Variants in ANKFY1 observed in about 807,000 individuals in gnomAD.
ANKFY1 encodes ankyrin repeat and FYVE domain-containing protein 1.
ANKFY1 carries 47 observed loss-of-function variants against 128.3 expected under a neutral mutation model. That is an observed-to-expected ratio of 0.37 (90% CI 0.29 to 0.47). ANKFY1 has a LOEUF of 0.47. Among genes scored for constraint, ANKFY1 ranks in the 20% least tolerant of loss-of-function variants. ANKFY1 has a pLI of 1.00. For missense variants in ANKFY1, 1,222 were observed against 1,510.6 expected, an observed-to-expected ratio of 0.81 and a Z score of 3.17; for synonymous variants, 553 against 601.6, an observed-to-expected ratio of 0.92 and a Z score of 1.18.
chr17:4,175,191 G>C (rs2059390891), intron 19 of ANKFY1, among the ~76,000 whole-genome samples: 1 of 151,592 alleles, frequency 6.6e-6, no homozygotes, highest in Admixed American at 6.6e-5. Flanking sequence ...AAATTAGCTG[G>C]GTGTAATGGT....
At chr17:4,183,688 A>T (rs1567918887) in intron 13 of ANKFY1, 124 bp downstream of exon 13, 7 of 1,408,050 alleles carry the variant, frequency 5.0e-6, no homozygotes, top group Non-Finnish European at 6.8e-6. Flanking sequence ...TCAAACAGAA[A>T]TGTTATTTTA....
chr17:4,224,312 C>G (rs2060384443), intron 3 of ANKFY1, among the ~76,000 whole-genome samples: 1 of 150,106 alleles, frequency 6.7e-6, no homozygotes, highest in African/African-American at 2.4e-5. Context: ...AGGCTCTGCC[C>G]CCGGGGTTCA....
intron 3 of ANKFY1, among the ~76,000 whole-genome samples, chr17:4,224,889 C>T (rs1386158588): frequency 2.7e-5 from 4 of 149,952 alleles, no homozygotes; most frequent in East Asian, 1.9e-4. Flanking sequence ...TTAAGATTCC[C>T]GTTTATTGCA....
Position 4,169,929 on chromosome 17 carries a change from G to GAGCTCATGGGGACGGAGC in ANKFY1, c.3287-659_3287-642dup, listed in dbSNP as rs1371277828. On this transcript the variant is annotated intron_variant, in intron 23 of 24. Transcript: ENST00000341657. The surrounding 1 kb of genome is among the most constrained non-coding windows in gnomAD (Gnocchi z 5.0). Reference sequence around the variant, plus strand: ...ACTGCTCTACATAGACAGGTCCACTGAGCTCATGGGGACGGAGCAGCACGT... The same window carrying GAGCTCATGGGGACGGAGC: ...ACTGCTCTACATAGACAGGTCCACTGAGCTCATGGGGACGGAGCAGCTCATGGGGACGGAGCAGCACGT... Among the ~76,000 whole-genome samples the GAGCTCATGGGGACGGAGC allele has an allele frequency of 6.6e-6, 1 of 152,200 alleles. No individual in the cohort carries two copies.
chr17:4,195,179 T>G lies in ANKFY1; in HGVS notation c.1173-2A>C. ...TGGTCTTTGAGTTCTAAATCTAGTC[T>G]GAAAAGCAGAAGCAGTGTCAACAGC... On this transcript the variant is annotated splice_acceptor_variant, in intron 9 of 24. Transcript: ENST00000341657. LOFTEE classifies it high-confidence loss of function. 1 of 1,602,272 alleles carries G rather than the reference T, an allele frequency of 6.2e-7. No individual in the cohort carries two copies. The highest frequency in any genetic ancestry group is 8.5e-7 in the Non-Finnish European group (1 of 1,171,822).
chr17:4,229,206 C>CT (rs1425234524), intron 3 of ANKFY1, among the ~76,000 whole-genome samples: 1 of 152,070 alleles, frequency 6.6e-6, no homozygotes, highest in African/African-American at 2.4e-5. Context: ...GGTGGATCAC[C>CT]TGAGGTCAGG....
chr17:4,237,749 C>T (rs1276095549), intron 2 of ANKFY1, among the ~76,000 whole-genome samples: 2 of 151,910 alleles, frequency 1.3e-5, no homozygotes, highest in Non-Finnish European at 2.9e-5. Context: ...AAATGAAAAC[C>T]AGAAAATCAA....
chr17:4,203,993 G>A (rs1027121018), intron 7 of ANKFY1, among the ~76,000 whole-genome samples: 8 of 152,044 alleles, frequency 5.3e-5, no homozygotes, highest in African/African-American at 1.9e-4. Flanking sequence ...GGCCAAACAT[G>A]TGCCCCCTGT....
intron 1 of ANKFY1, among the ~76,000 whole-genome samples, chr17:4,254,228 T>C (rs1458850215): frequency 2.2e-5 from 3 of 138,172 alleles, no homozygotes; most frequent in African/African-American, 8.4e-5. Flanking sequence ...CGCCTGAACC[T>C]GGGAGGCGGA....
chr17:4,194,982 C>A lies in ANKFY1; in HGVS notation c.1368G>T (p.Ala456=), dbSNP rs1038601808. ...RGSHTDAPDT[A]TGNCLLQRAA... ...TTCGGGAGGCACGTGCTTTACCTGT[C>A]GCCGTGTCAGGTGCGTCTGTGTGGC... Residue 456 remains alanine, a synonymous_variant, in exon 10 of 25, where the codon GCG becomes GCT. Coordinates refer to ENST00000341657, the MANE Select transcript of ANKFY1 (RefSeq NM_001330063.2). The A allele has an allele frequency of 3.1e-6, 5 of 1,614,188 alleles. No individual in the cohort carries two copies. Among genetic ancestry groups the A allele is most frequent in the South Asian group, 1.1e-5 (1 of 91,064 alleles).
intron 1 of ANKFY1, among the ~76,000 whole-genome samples, chr17:4,262,446 G>C (rs9901620): frequency 0.22 from 34,114 of 152,076 alleles, 4,314 homozygotes; most frequent in Non-Finnish European, 0.28. Flanking sequence ...ATTTTTTGTA[G>C]ATACGAGGTT....
chr17:4,222,223 G>A (rs186005798), intron 3 of ANKFY1: 152 of 281,354 alleles, frequency 5.4e-4, no homozygotes, highest in African/African-American at 3.4e-3. Context: ...CGCCCCCGCC[G>A]CCCCGCGGAC....
At chr17:4,192,210 T>C (rs1377896273) in intron 10 of ANKFY1, among the ~76,000 whole-genome samples, 472 of 144,244 alleles carry the variant, frequency 3.3e-3, no homozygotes, top group Non-Finnish European at 5.2e-3. Context: ...TAGTTGATGG[T>C]TGCTCTAATC....
At chr17:4,210,900 C>T (rs1213662823) in intron 4 of ANKFY1, among the ~76,000 whole-genome samples, 1 of 151,134 alleles carries the variant, frequency 6.6e-6, no homozygotes, top group African/African-American at 2.4e-5. Context: ...GGCATGGTGG[C>T]AGGCGCCTGT....
chr17:4,165,550 C>T lies in ANKFY1; in HGVS notation c.*2229G>A, dbSNP rs1006311440. The T allele has an allele frequency of 7.2e-5, 11 of 152,250 alleles. No homozygotes were observed. The highest frequency in any genetic ancestry group is 1.4e-4 in the African/African-American group (6 of 41,528). The allele number at this position is 152,250 out of a possible 1,614,324, so 9.4% of individuals were successfully genotyped here. ...GCAGCCCAGCGAGCGTCCGCGTGGTCGGGGGGCTTCCTAAGTCTGTGGAAA... is the reference window on the plus strand; with the variant it reads ...GCAGCCCAGCGAGCGTCCGCGTGGTTGGGGGGCTTCCTAAGTCTGTGGAAA... On this transcript the variant is annotated 3_prime_UTR_variant, in exon 25 of 25. Coordinates refer to ENST00000341657, the MANE Select transcript of ANKFY1 (RefSeq NM_001330063.2).
At chr17:4,230,774 TAA>T (rs1598116127) in intron 3 of ANKFY1, among the ~76,000 whole-genome samples, 1 of 152,196 alleles carries the variant, frequency 6.6e-6, no homozygotes, top group African/African-American at 2.4e-5. Flanking sequence ...TAGTAAGAAA[TAA>T]AAAAGCAAAT....
chr17:4,223,860 G>A (rs979477357), intron 3 of ANKFY1: 26 of 988,736 alleles, frequency 2.6e-5, no homozygotes, highest in Non-Finnish European at 3.8e-5. Flanking sequence ...AGCATCAGGA[G>A]AAAGGTGCCT....
At position 4,242,398 on chromosome 17, in the gene ANKFY1, C is replaced by A. The variant is rs2143387979; in HGVS notation, c.61G>T (p.Val21Phe). 2 of 1,591,830 alleles carry A rather than the reference C, an allele frequency of 1.3e-6. No individual in the cohort carries two copies. The highest frequency in any genetic ancestry group is 2.4e-5 in the East Asian group (1 of 42,502). The change falls in exon 2 of 25, where the codon GTC becomes TTC. Residue 21 changes from valine (V) to phenylalanine (F), a missense_variant. By Grantham distance (50) the Val-to-Phe change is conservative (BLOSUM62 -1). Transcript: ENST00000341657. Reference protein sequence around the residue: ...KHLMLLRQEYVKLQKKLAETE... With the variant: ...KHLMLLRQEYFKLQKKLAETE... ...TCCGCCAGCTTCTTCTGCAGCTTGA[C>A]ATACTCCTGCCGCAGAAGCATCAAG...
At chr17:4,228,486 G>A (rs747605769) in intron 3 of ANKFY1, among the ~76,000 whole-genome samples, 22 of 151,506 alleles carry the variant, frequency 1.5e-4, no homozygotes, top group African/African-American at 5.1e-4. Flanking sequence ...ACGCGATCTC[G>A]GCTCACTGCA....
Sources: allele counts gnomAD v4.1 joint callset (sites outside exome capture counted in the v4.1 genomes callset), GRCh38; gene constraint gnomAD v4.1.1; non-coding constraint Gnocchi (gnomAD v3.1); transcripts MANE v1.5; gene names NCBI Gene and HGNC (gene_info 2026-07-23, HGNC 2026-07-21).